The following KATNBL1 variants were observed in gnomAD, a reference collection of about 807,000 sequenced individuals.
KATNBL1 encodes katanin regulatory subunit B1 like 1, also known as KATNB1-like protein 1.
Under a neutral mutation model 44.7 loss-of-function variants are expected in KATNBL1, and 28 were observed. The observed-to-expected ratio is 0.63, with a 90% CI of 0.46 to 0.86. KATNBL1 has a LOEUF of 0.86. Ranked by LOEUF, KATNBL1 falls within the 40% of genes least tolerant of loss-of-function variation. KATNBL1 has a pLI of 0.00. For missense variants in KATNBL1, 272 were observed against 350.7 expected (o/e 0.78, Z 1.79); for synonymous variants, 78 against 114.9 (o/e 0.68, Z 2.06).
intron 1 of KATNBL1, among the ~76,000 whole-genome samples, chr15:34,184,572 G>GTTTTTTTT (rs1889664192): frequency 4.0e-4 from 5 of 12,350 alleles, no homozygotes; most frequent in Non-Finnish European, 3.9e-4. Flanking sequence ...CTCTCCTAAT[G>GTTTTTTTT]TTTCTTTTTT....
At chr15:34,170,921 T>C (rs1046609705) in intron 1 of KATNBL1, among the ~76,000 whole-genome samples, 6 of 152,180 alleles carry the variant, frequency 3.9e-5, no homozygotes, top group African/African-American at 1.4e-4. Context: ...TTACACCTTA[T>C]ACAACAATTA....
At chr15:34,143,804 A>C (rs1888224550) in intron 9 of KATNBL1, among the ~76,000 whole-genome samples, 1 of 148,206 alleles carries the variant, frequency 6.7e-6, no homozygotes, top group Non-Finnish European at 1.5e-5. Flanking sequence ...AAAAAAAAAA[A>C]AAAAAAAAAA....
At chr15:34,184,832 C>T (rs1335601495) in intron 1 of KATNBL1, among the ~76,000 whole-genome samples, 2 of 151,962 alleles carry the variant, frequency 1.3e-5, no homozygotes, top group Non-Finnish European at 2.9e-5. Context: ...CTCGGCCTCC[C>T]AAAGTGCTGG....
chr15:34,197,213 A>G (rs999618159), intron 1 of KATNBL1, among the ~76,000 whole-genome samples: 1 of 152,248 alleles, frequency 6.6e-6, no homozygotes, highest in Non-Finnish European at 1.5e-5. Context: ...TTTGCTTTTG[A>G]AAAATTTAAT....
chr15:34,149,558 G>A (rs1293071068), intron 4 of KATNBL1, among the ~76,000 whole-genome samples: 1 of 151,970 alleles, frequency 6.6e-6, no homozygotes, highest in Non-Finnish European at 1.5e-5. Context: ...CCGAGTAGCT[G>A]GGATTACAGG....
chr15:34,171,647 T>C (rs1340885148), intron 1 of KATNBL1, among the ~76,000 whole-genome samples: 1 of 152,208 alleles, frequency 6.6e-6, no homozygotes, highest in Non-Finnish European at 1.5e-5. Flanking sequence ...GTATGTTTAT[T>C]GCAGCACTAT....
At chr15:34,164,158 T>C (rs76931927) in intron 1 of KATNBL1, among the ~76,000 whole-genome samples, 15,897 of 152,258 alleles carry the variant, frequency 0.1, 1,086 homozygotes, top group Non-Finnish European at 0.15. Context: ...CCTCCCTAAA[T>C]GCTGGGATTA....
At chr15:34,164,804 A>G (rs578140700) in intron 1 of KATNBL1, among the ~76,000 whole-genome samples, 1 of 152,344 alleles carries the variant, frequency 6.6e-6, no homozygotes, top group South Asian at 2.1e-4. Flanking sequence ...TTAAAGAATC[A>G]TTTAGGAAAC....
chr15:34,208,567 A>G (rs1210826616), intron 1 of KATNBL1: 1 of 152,248 alleles, frequency 6.6e-6, no homozygotes, highest in Non-Finnish European at 1.5e-5. Context: ...AAAGTAATAC[A>G]TAAGTTGCTA....
chr15:34,150,821 G>A (rs1016940321), intron 4 of KATNBL1, among the ~76,000 whole-genome samples: 1 of 152,114 alleles, frequency 6.6e-6, no homozygotes, highest in African/African-American at 2.4e-5. Context: ...ATATGCACTA[G>A]CACAGTGTTT....
Position 34,142,277 on chromosome 15 carries a change from T to G in KATNBL1, c.*62A>C, listed in dbSNP as rs1597419253. ...GTTCTCAGACGAGACTTTTTTTTTT[T>G]GTAAATTATACAGTTCAGGGATGTT... On this transcript the variant is annotated 3_prime_UTR_variant, in exon 10 of 10. Transcript: ENST00000256544. 3 of 1,406,006 alleles carry G rather than the reference T, an allele frequency of 2.1e-6. 1 individual carries two copies. The highest frequency in any genetic ancestry group is 5.0e-5 in the East Asian group (2 of 39,674). 87.1% of individuals were successfully genotyped at this position (1,406,006 alleles called of 1,614,324 possible).
chr15:34,200,147 A>T (rs1890140488), intron 1 of KATNBL1, among the ~76,000 whole-genome samples: 1 of 152,184 alleles, frequency 6.6e-6, no homozygotes, highest in Non-Finnish European at 1.5e-5. Context: ...CACCCAACCC[A>T]GAAACCCAGC....
At chr15:34,176,278 T>G (rs943772259) in intron 1 of KATNBL1, among the ~76,000 whole-genome samples, 2 of 151,454 alleles carry the variant, frequency 1.3e-5, no homozygotes, top group African/African-American at 4.9e-5. Context: ...CTTGGGAGGC[T>G]GAGGCAGGAT....
At chr15:34,186,856 C>G (rs990271226) in intron 1 of KATNBL1, among the ~76,000 whole-genome samples, 1 of 152,220 alleles carries the variant, frequency 6.6e-6, no homozygotes, top group African/African-American at 2.4e-5. Context: ...GCCCCACCCT[C>G]AGGCCAGGGA....
In KATNBL1 at chr15:34,154,619, C is replaced by T. The variant is rs1263882843; in HGVS notation, c.158+25G>A. On this transcript the variant is annotated intron_variant, in intron 3 of 9. Transcript: ENST00000256544. ...ACCCAGCTTTCATATTTGTTGTTCC[C>T]CACAAACTTTAAAGAAACTCTTACC... 3 of 1,477,188 alleles carry T rather than the reference C, an allele frequency of 2.0e-6. No homozygotes were observed. The African/African-American group carries it at 4.2e-5, about 21-fold the overall frequency. The allele number at this position is 1,477,188 out of a possible 1,614,324, so 91.5% of individuals were successfully genotyped here.
intron 1 of KATNBL1, among the ~76,000 whole-genome samples, chr15:34,172,021 T>C (rs1354698913): frequency 2.6e-5 from 4 of 152,010 alleles, no homozygotes; most frequent in African/African-American, 9.7e-5. Flanking sequence ...ACATGGCACA[T>C]GTATACCTAT....
intron 1 of KATNBL1, chr15:34,208,717 T>C (rs987601761): frequency 9.2e-5 from 14 of 152,224 alleles, no homozygotes; most frequent in Non-Finnish European, 1.8e-4. Context: ...TTAAGTATAA[T>C]CATCAAGAGC....
At chr15:34,163,769 A>G in intron 1 of KATNBL1, 79 bp from the exon 2 acceptor site, 1 of 754,502 alleles carries the variant, frequency 1.3e-6, no homozygotes, top group South Asian at 2.1e-5. Context: ...AACATACAAC[A>G]GTAGCACAAT....
At chr15:34,161,671 C>T (rs533382233) in intron 2 of KATNBL1, among the ~76,000 whole-genome samples, 160 of 152,240 alleles carry the variant, frequency 1.1e-3, no homozygotes, top group Non-Finnish European at 1.9e-3. Flanking sequence ...TAAGCTAATT[C>T]TGATAGGCTA....
Sources: allele counts gnomAD v4.1 joint callset (sites outside exome capture counted in the v4.1 genomes callset), GRCh38; gene constraint gnomAD v4.1.1; transcripts MANE v1.5; gene names NCBI Gene and HGNC (gene_info 2026-07-23, HGNC 2026-07-21).